TRIM46: variants seen among roughly 807,000 people sequenced by gnomAD.
TRIM46 encodes the protein tripartite motif-containing protein 46.
In TRIM46, 17 loss-of-function variants were observed where a neutral mutation model predicts 69.7. That is an observed-to-expected ratio of 0.24 (90% CI 0.17 to 0.37). TRIM46 has a LOEUF of 0.37. Among genes scored for constraint, TRIM46 ranks in the 10% least tolerant of loss-of-function variants. The pLI is 1.00. For missense variants in TRIM46, 675 were observed against 1,025.1 expected (o/e 0.66, Z 4.66); for synonymous variants, 391 against 429.0 (o/e 0.91, Z 1.09).
Position 155,179,484 on chromosome 1 carries a change from C to T in TRIM46, c.1286-148C>T, listed in dbSNP as rs1665971648. 7.2e-6 allele frequency: 5 copies of T among 691,660 alleles called. No individual in the cohort carries two copies. The South Asian group carries it at 9.5e-5, about 13-fold the overall frequency. 42.8% of individuals were successfully genotyped at this position (691,660 alleles called of 1,614,324 possible). A position where few individuals can be genotyped will look rare whatever the true frequency, so the allele number is the denominator to read the frequency against. ...GGGCCCTGCCCTACCCCTCCTGTGC[C>T]CAGTTCCCAGATGAGCCCTTCCCCA... On this transcript the variant is annotated intron_variant, in intron 7 of 9. Transcript: ENST00000334634.
chr1:155,175,360 G>A lies in TRIM46; in HGVS notation c.64-26G>A. The A allele has an allele frequency of 6.2e-7, 1 of 1,612,610 alleles. No individual in the cohort carries two copies. The highest frequency in any genetic ancestry group is 1.1e-5 in the South Asian group (1 of 90,962). ...AGGTATGCCTAAGTGTCCAAGCGCTGACCTAGCCTCCTGGTCCCTCCACAG... is the reference window on the plus strand; with the variant it reads ...AGGTATGCCTAAGTGTCCAAGCGCTAACCTAGCCTCCTGGTCCCTCCACAG... On this transcript the variant is annotated intron_variant, in intron 1 of 9. Coordinates refer to ENST00000334634, the MANE Select transcript of TRIM46 (RefSeq NM_025058.5). The surrounding 1 kb of genome is among the most constrained non-coding windows in gnomAD (Gnocchi z 4.2).
Position 155,178,499 on chromosome 1 carries a change from C to G in TRIM46, c.1171C>G (p.Arg391Gly), listed in dbSNP as rs764812271. Residue 391 changes from arginine to glycine, a missense_variant, in exon 7 of 10, where the codon CGA becomes GGA. This residue lies in a region of TRIM46 where 361 missense variants were observed against 498.3 expected (regional missense o/e 0.72). Transcript: ENST00000334634. ...AAKQLHNRIA[R>G]ATEALQTFRP... ...TTCTTGCCCCCATCCCAGGATTGCC[C>G]GAGCCACTGAAGCCCTCCAGACATT... 34 of 1,613,536 alleles carry G rather than the reference C, an allele frequency of 2.1e-5. No homozygotes were observed. The highest frequency in any genetic ancestry group is 2.7e-5 in the Non-Finnish European group (32 of 1,179,992).
chr1:155,178,993 G>T (rs1665929858), intron 7 of TRIM46: 4 of 491,912 alleles, frequency 8.1e-6, no homozygotes, highest in East Asian at 6.5e-5. Flanking sequence ...CTGGACCAAT[G>T]CCCTGTCTCC....
At position 155,177,050 on chromosome 1, in the gene TRIM46, T is replaced by C. The variant is rs1478851618; in HGVS notation, c.788T>C (p.Val263Ala). 6.2e-7 allele frequency: 1 copy of C among 1,613,854 alleles called. No homozygotes were observed. The highest frequency in any genetic ancestry group is 2.2e-5 in the East Asian group (1 of 44,876). ...RTHSGHKITP[V>A]LSAYQALKDK... ...CACAGCGGGCACAAGATCACACCAGTGCTCAGTGCCTACCAGGCCCTCAAG... is the reference window on the plus strand; with the variant it reads ...CACAGCGGGCACAAGATCACACCAGCGCTCAGTGCCTACCAGGCCCTCAAG... The change falls in exon 4 of 10, where the codon GTG becomes GCG. Residue 263 changes from valine (V) to alanine (A), a missense_variant. This residue lies in a region of TRIM46 where 361 missense variants were observed against 498.3 expected (regional missense o/e 0.72). Transcript: ENST00000334634.
chr1:155,178,905 G>A (rs1245989809), intron 7 of TRIM46: 4 of 1,212,030 alleles, frequency 3.3e-6, no homozygotes, highest in East Asian at 4.3e-5. Context: ...TTCCCACCCC[G>A]CTGCTCCCAC....
Position 155,181,923 on chromosome 1 carries a change from G to A in TRIM46, c.1660G>A (p.Ala554Thr). 6.2e-7 allele frequency: 1 copy of A among 1,614,036 alleles called. No individual in the cohort carries two copies. Among genetic ancestry groups the A allele is most frequent in the South Asian group, 1.1e-5 (1 of 91,082 alleles). Residue 554 changes from alanine (A) to threonine (T), a missense_variant, in exon 9 of 10, where the codon GCA becomes ACA. By Grantham distance (58) the Ala-to-Thr change is moderately conservative. Around this residue, in one of 5 missense-constraint regions of TRIM46, gnomAD observed 361 missense variants for 498.3 expected, o/e 0.72. Coordinates refer to ENST00000334634, the MANE Select transcript of TRIM46 (RefSeq NM_025058.5). The surrounding 1 kb of genome is among the most constrained non-coding windows in gnomAD (Gnocchi z 4.3). The stretch of plus-strand genomic sequence containing the variant: ...GCTGGCTATCAGCAAGGACCAGCGA[G>A]CAGTACGGAGTGTTCCAGGGCTGCC... ...ERLAISKDQRAVRSVPGLPLL... is the reference protein window; with the variant it reads ...ERLAISKDQRTVRSVPGLPLL...
At position 155,181,840 on chromosome 1, in the gene TRIM46, C is replaced by A. The variant is rs1242957687; in HGVS notation, c.1589-12C>A. On this transcript the variant is annotated splice_polypyrimidine_tract_variant and intron_variant, in intron 8 of 9. Transcript: ENST00000334634. This position sits in a 1 kb window ranked among gnomAD's most constrained non-coding sequence, Gnocchi z 4.3. Reference sequence around the variant, plus strand: ...AGTTCTTGCTCCATCTCAACCCTCTCCCTCCTTCCAGTCCTGCACTTCTTC... The same window carrying A: ...AGTTCTTGCTCCATCTCAACCCTCTACCTCCTTCCAGTCCTGCACTTCTTC... The A allele has an allele frequency of 3.7e-6, 6 of 1,602,392 alleles. No individual in the cohort carries two copies. The highest frequency in any genetic ancestry group is 5.1e-6 in the Non-Finnish European group (6 of 1,171,540).
intron 5 of TRIM46, among the ~76,000 whole-genome samples, chr1:155,177,511 G>A (rs1275613949): frequency 1.3e-5 from 2 of 152,022 alleles, no homozygotes; most frequent in East Asian, 1.9e-4. Flanking sequence ...GAGAGTGCTC[G>A]AAAAACCCCA....
At chr1:155,183,084 G>GT (rs1236138525) in intron 9 of TRIM46, among the ~76,000 whole-genome samples, 3 of 151,654 alleles carry the variant, frequency 2.0e-5, no homozygotes, top group African/African-American at 7.3e-5. Flanking sequence ...CTAATTTTTT[G>GT]TATTTTTAGT....
intron 1 of TRIM46, chr1:155,174,608 C>T (rs780251128): frequency 1.3e-6 from 2 of 1,529,102 alleles, no homozygotes; most frequent in Admixed American, 4.0e-5. Context: ...CAGCTGCGCC[C>T]CTGACCGGGA....
Position 155,175,534 on chromosome 1 carries a change from G to A in TRIM46, c.212G>A (p.Gly71Glu). The A allele has an allele frequency of 1.2e-6, 2 of 1,614,004 alleles. No homozygotes were observed. Among genetic ancestry groups the A allele is most frequent in the African/African-American group, 2.7e-5 (2 of 75,038 alleles). The change falls in exon 2 of 10, where the codon GGG (glycine) becomes GAG (glutamate). Residue 71 changes from glycine (G) to glutamate (E), a missense_variant. This residue lies in a region of TRIM46 where 170 missense variants were observed against 255.6 expected (regional missense o/e 0.67). Transcript: ENST00000334634. This position sits in a 1 kb window ranked among gnomAD's most constrained non-coding sequence, Gnocchi z 4.2. Reference protein sequence around the residue: ...LGQQGYIGHGGDPSSEPTSPA... With the variant: ...LGQQGYIGHGEDPSSEPTSPA... ...CAGCAGGGCTACATAGGACATGGTGGGGACCCCAGCTCCGAGCCCACCTCT... is the reference window on the plus strand; with the variant it reads ...CAGCAGGGCTACATAGGACATGGTGAGGACCCCAGCTCCGAGCCCACCTCT...
chr1:155,182,124 G>A lies in TRIM46; in HGVS notation c.1861G>A (p.Gly621Ser). 6.2e-7 allele frequency: 1 copy of A among 1,614,110 alleles called. No homozygotes were observed. Among genetic ancestry groups the A allele is most frequent in the Non-Finnish European group, 8.5e-7 (1 of 1,179,998 alleles). The stretch of plus-strand genomic sequence containing the variant: ...GAGCAAGCTTCAAGAAAGTTTCCAG[G>A]GTGCCCCCGATGTGATCAGCCCCAG... ...LESKLQESFQ[G>S]APDVISPRYD... The change falls in exon 9 of 10, where the codon GGT (glycine) becomes AGT (serine). Residue 621 changes from glycine to serine, a missense_variant. By Grantham distance (56) the Gly-to-Ser change is moderately conservative. Transcript: ENST00000334634.
intron 1 of TRIM46, chr1:155,174,611 G>C: frequency 6.5e-7 from 1 of 1,529,426 alleles, no homozygotes; most frequent in Non-Finnish European, 8.7e-7. Flanking sequence ...CTGCGCCCCT[G>C]ACCGGGATGG....
chr1:155,179,837 C>G lies in TRIM46; in HGVS notation c.1491C>G (p.Asp497Glu). ...CCAGTGCCCTGCTTGAGAACCCCGACACGGGCTCTGTGTATGTGCTGCGTG... is the reference window on the plus strand; with the variant it reads ...CCAGTGCCCTGCTTGAGAACCCCGAGACGGGCTCTGTGTATGTGCTGCGTG... The part of the protein sequence containing the change: ...RGTSALLENP[D>E]TGSVYVLRVR... The change falls in exon 8 of 10, where the codon GAC (aspartate) becomes GAG (glutamate). Residue 497 changes from aspartate to glutamate, a missense_variant. Physicochemically the swap from Asp to Glu is conservative, Grantham distance 45. This residue lies in a region of TRIM46 where 361 missense variants were observed against 498.3 expected (regional missense o/e 0.72). Coordinates refer to ENST00000334634, the MANE Select transcript of TRIM46 (RefSeq NM_025058.5). The G allele has an allele frequency of 6.2e-7, 1 of 1,613,588 alleles. No individual in the cohort carries two copies. The highest frequency in any genetic ancestry group is 8.5e-7 in the Non-Finnish European group (1 of 1,179,920).
intron 1 of TRIM46, chr1:155,174,768 G>T: frequency 6.8e-7 from 1 of 1,463,750 alleles, no homozygotes; most frequent in South Asian, 1.3e-5. Context: ...CGGAGAAGGG[G>T]GTGCCGCTGA....
At chr1:155,177,793 G>A (rs574009694) in intron 5 of TRIM46, among the ~76,000 whole-genome samples, 126 of 152,310 alleles carry the variant, frequency 8.3e-4, no homozygotes, top group Non-Finnish European at 1.4e-3. Flanking sequence ...GGGGTTCCGG[G>A]AAGGTTGGCA....
At chr1:155,177,609 T>C (rs1309347199) in intron 5 of TRIM46, among the ~76,000 whole-genome samples, 6 of 152,012 alleles carry the variant, frequency 3.9e-5, no homozygotes, top group Admixed American at 3.9e-4. Flanking sequence ...AGTGCTAGAG[T>C]GAGGTGATGA....
At chr1:155,176,861 T>C in intron 3 of TRIM46, 71 bp from the exon 4 acceptor site, 1 of 1,567,076 alleles carries the variant, frequency 6.4e-7, no homozygotes, top group Non-Finnish European at 8.7e-7. Context: ...GGCACCAAAC[T>C]GCTGTAGTGG....
chr1:155,178,316 G>A, intron 6 of TRIM46, 61 bp downstream of exon 6: 2 of 1,561,186 alleles, frequency 1.3e-6, no homozygotes, highest in Admixed American at 1.8e-5. Flanking sequence ...CAACATCTAG[G>A]ACAATGTCTA....
Sources: allele counts gnomAD v4.1 joint callset (sites outside exome capture counted in the v4.1 genomes callset), GRCh38; gene constraint gnomAD v4.1.1; regional missense constraint gnomAD v4.1.1; non-coding constraint Gnocchi (gnomAD v3.1); transcripts MANE v1.5; gene names NCBI Gene and HGNC (gene_info 2026-07-23, HGNC 2026-07-21).